ULK4: variants seen among roughly 807,000 people sequenced by gnomAD.
ULK4 encodes unc-51 like kinase 4.
In ULK4, 133 loss-of-function variants were observed where a neutral mutation model predicts 160.6. The ratio of observed to expected loss-of-function variants is 0.83; its 90% CI spans 0.72 to 0.96. The LOEUF (loss-of-function observed/expected upper bound fraction) is 0.96. ULK4 is among the 40% of genes least tolerant of loss of function. The pLI is 0.00. For missense variants in ULK4, 1,580 were observed against 1,499.5 expected, an observed-to-expected ratio of 1.05 and a Z score of -0.89; for synonymous variants, 534 against 539.8, an observed-to-expected ratio of 0.99 and a Z score of 0.15.
intron 35 of ULK4, among the ~76,000 whole-genome samples, chr3:41,279,490 C>A (rs2079307562): frequency 6.6e-6 from 1 of 152,048 alleles, no homozygotes; most frequent in Admixed American, 6.6e-5. Flanking sequence ...AGAAGAGCAA[C>A]CCCAAGACAC....
intron 20 of ULK4, among the ~76,000 whole-genome samples, chr3:41,795,943 T>C (rs1347456592): frequency 6.6e-6 from 1 of 152,128 alleles, no homozygotes; most frequent in African/African-American, 2.4e-5. Context: ...GACCAGCTGG[T>C]TGTAAACAAT....
chr3:41,262,600 C>T (rs572827570), intron 35 of ULK4, among the ~76,000 whole-genome samples: 1 of 152,268 alleles, frequency 6.6e-6, no homozygotes, highest in Non-Finnish European at 1.5e-5. Flanking sequence ...TGGGCACCTG[C>T]CAAGTCTAGA....
rs2040419578 is a variant in ULK4, at chr3:41,800,267, T to TAAGA, written c.1874_1875insTCTT (p.Ala626LeufsTer6). On this transcript the variant is annotated frameshift_variant, in exon 20 of 37. Transcript: ENST00000301831. LOFTEE classifies it high-confidence loss of function. Reference sequence around the variant, plus strand: ...TACAGACATTTTCAATAATTTTTGCTGCCATGTGATTCACAACACGCTCTT... The same window carrying TAAGA: ...TACAGACATTTTCAATAATTTTTGCTAAGAGCCATGTGATTCACAACACGCTCTT... 2 of 1,612,460 alleles carry TAAGA rather than the reference T, an allele frequency of 1.2e-6. No individual in the cohort carries two copies. The highest frequency in any genetic ancestry group is 2.7e-5 in the African/African-American group (2 of 74,750).
At chr3:41,689,157 C>T (rs1431203143) in intron 27 of ULK4, among the ~76,000 whole-genome samples, 2 of 152,216 alleles carry the variant, frequency 1.3e-5, no homozygotes, top group Admixed American at 1.3e-4. Context: ...CCACTCCCCT[C>T]CTTGCCTTTA....
intron 30 of ULK4, among the ~76,000 whole-genome samples, chr3:41,625,517 A>G (rs2033463956): frequency 6.6e-6 from 1 of 152,180 alleles, no homozygotes; most frequent in Non-Finnish European, 1.5e-5. Flanking sequence ...TACTTTGGAG[A>G]GCAGCTCCGG....
intron 20 of ULK4, among the ~76,000 whole-genome samples, chr3:41,793,043 G>C (rs1262299290): frequency 6.6e-6 from 1 of 152,094 alleles, no homozygotes; most frequent in Non-Finnish European, 1.5e-5. Flanking sequence ...CCTGCTGGCG[G>C]GTGCCTGTAA....
intron 29 of ULK4, among the ~76,000 whole-genome samples, chr3:41,664,926 G>A (rs75028357): frequency 0.02 from 3,114 of 152,182 alleles, 111 homozygotes; most frequent in African/African-American, 0.072. Flanking sequence ...TGATTTGCTA[G>A]GCAGAGGCTG....
intron 35 of ULK4, among the ~76,000 whole-genome samples, chr3:41,388,227 T>C (rs1476335971): frequency 2.6e-5 from 4 of 152,152 alleles, no homozygotes; most frequent in Non-Finnish European, 5.9e-5. Flanking sequence ...GGTTGTTCAC[T>C]TTTTTCTTGT....
intron 32 of ULK4, among the ~76,000 whole-genome samples, chr3:41,544,341 A>G (rs1044734770): frequency 6.6e-6 from 1 of 152,222 alleles, no homozygotes; most frequent in Non-Finnish European, 1.5e-5. Context: ...GCCTTAAATC[A>G]GTAAGTCTTC....
In ULK4 at chr3:41,461,549, A is replaced by T. The variant is rs922446297; in HGVS notation, c.3393+1538T>A. ...CAGATATTATGAGGGATGATTTAGA[A>T]AGATGGTAGCAGTAAAATGTACAGT... On this transcript the variant is annotated intron_variant, in intron 33 of 36. Transcript: ENST00000301831. Among the ~76,000 whole-genome samples the T allele has an allele frequency of 2.0e-5, 3 of 152,328 alleles. No individual in the cohort carries two copies. In the East Asian group the frequency reaches 5.8e-4, roughly 29 times the overall value.
intron 35 of ULK4, among the ~76,000 whole-genome samples, chr3:41,313,797 C>T (rs1197471954): frequency 6.6e-6 from 1 of 152,078 alleles, no homozygotes; most frequent in Non-Finnish European, 1.5e-5. Flanking sequence ...TTTAATTTCC[C>T]TCATTTTGAA....
chr3:41,722,653 T>G (rs1326637755), intron 22 of ULK4, among the ~76,000 whole-genome samples: 1 of 143,686 alleles, frequency 7.0e-6, no homozygotes. Flanking sequence ...TAATTAAAAT[T>G]AAATTAAAAT....
chr3:41,387,013 C>T (rs942404000), intron 35 of ULK4, among the ~76,000 whole-genome samples: 2 of 152,018 alleles, frequency 1.3e-5, no homozygotes, highest in Admixed American at 6.6e-5. Flanking sequence ...TTTCTGAATC[C>T]GTCTTGCTCA....
chr3:41,851,847 A>C (rs1264522648), intron 17 of ULK4, among the ~76,000 whole-genome samples: 1 of 152,210 alleles, frequency 6.6e-6, no homozygotes, highest in African/African-American at 2.4e-5. Flanking sequence ...CTAGAGAAGC[A>C]AGAGCAAACA....
chr3:41,274,127 C>G (rs956511398), intron 35 of ULK4, among the ~76,000 whole-genome samples: 2 of 152,068 alleles, frequency 1.3e-5, no homozygotes, highest in African/African-American at 4.8e-5. Flanking sequence ...TAGGACTCAC[C>G]TGTTTTGTGT....
At chr3:41,403,106 T>C (rs2082217254) in intron 34 of ULK4, among the ~76,000 whole-genome samples, 1 of 151,210 alleles carries the variant, frequency 6.6e-6, no homozygotes, top group Admixed American at 6.6e-5. Flanking sequence ...GCCAATATCA[T>C]GCCATTGCAC....
chr3:41,618,587 C>CT (rs2033090748), intron 30 of ULK4, among the ~76,000 whole-genome samples: 3 of 152,110 alleles, frequency 2.0e-5, no homozygotes. Context: ...GGGATTTTGT[C>CT]ACTACCAGGC....
Position 41,396,121 on chromosome 3 carries a change from G to A in ULK4, c.3678+1958C>T, listed in dbSNP as rs114351639. On this transcript the variant is annotated intron_variant, in intron 35 of 36. Coordinates refer to ENST00000301831, the MANE Select transcript of ULK4 (RefSeq NM_017886.4). ...GCTCTGAAAATCCAAACTTTTTTTC[G>A]TAAGTTTTGTTCAAAAACACATACG... Among the ~76,000 whole-genome samples the A allele has an allele frequency of 4.4e-3, 672 of 151,514 alleles. 2 individuals carry two copies. Among genetic ancestry groups the A allele is most frequent in the African/African-American group, 0.015 (630 of 41,352 alleles).
chr3:41,787,514 C>T (rs2040031857), intron 21 of ULK4, among the ~76,000 whole-genome samples: 1 of 152,126 alleles, frequency 6.6e-6, no homozygotes, highest in East Asian at 1.9e-4. Flanking sequence ...CAATGCAGCA[C>T]CCTTCTTCCC....
Sources: allele counts gnomAD v4.1 joint callset (sites outside exome capture counted in the v4.1 genomes callset), GRCh38; gene constraint gnomAD v4.1.1; transcripts MANE v1.5; gene names NCBI Gene and HGNC (gene_info 2026-07-23, HGNC 2026-07-21).